The following CA5A variants were observed in gnomAD, a reference collection of about 807,000 sequenced individuals.
CA5A encodes carbonic anhydrase 5A, also known as carbonic anhydrase 5A, mitochondrial.
In CA5A, 28 loss-of-function variants were observed where a neutral mutation model predicts 37.1. That is an observed-to-expected ratio of 0.75 (90% CI 0.56 to 1.03). CA5A has a LOEUF of 1.03. CA5A is among the 50% of genes least tolerant of loss of function. CA5A has a pLI of 0.00. For missense variants in CA5A, 444 were observed against 399.9 expected, an observed-to-expected ratio of 1.11 and a Z score of -0.94; for synonymous variants, 171 against 158.4, an observed-to-expected ratio of 1.08 and a Z score of -0.60.
intron 2 of CA5A, among the ~76,000 whole-genome samples, chr16:87,909,478 GC>G (rs752422347): frequency 1.2e-4 from 19 of 152,344 alleles, no homozygotes; most frequent in South Asian, 4.1e-4. Flanking sequence ...CTGGGCCGCT[GC>G]GTTTTCGGGA....
Position 87,899,828 on chromosome 16 carries a change from G to A in CA5A, c.618+2084C>T, listed in dbSNP as rs540353578. Among the ~76,000 whole-genome samples, 7 of 143,506 alleles carry A rather than the reference G, an allele frequency of 4.9e-5. No individual in the cohort carries two copies. The East Asian group carries it at 1.5e-3, about 31-fold the overall frequency. The allele number at this position is 143,506 out of a possible 152,430, so 94.1% of individuals were successfully genotyped here. On this transcript the variant is annotated intron_variant, in intron 5 of 6. Coordinates refer to ENST00000649794, the MANE Select transcript of CA5A (RefSeq NM_001739.2). ...CCAGCTACTCATGAGGTTGAGGCAG[G>A]AGAATCACTTGAACCTGGAAGGCGG...
chr16:87,896,418 T>A (rs1483863764), intron 5 of CA5A, among the ~76,000 whole-genome samples: 4 of 152,228 alleles, frequency 2.6e-5, no homozygotes, highest in African/African-American at 9.6e-5. Flanking sequence ...GCCATGTGGT[T>A]ACAGAAAACT....
intron 2 of CA5A, among the ~76,000 whole-genome samples, chr16:87,909,117 C>T (rs1034996761): frequency 2.0e-5 from 3 of 152,108 alleles, no homozygotes; most frequent in Admixed American, 1.3e-4. Flanking sequence ...AGACGTGAGC[C>T]ACTGTGCCCA....
intron 2 of CA5A, among the ~76,000 whole-genome samples, chr16:87,907,734 G>A (rs1333231229): frequency 6.6e-6 from 1 of 152,168 alleles, no homozygotes; most frequent in African/African-American, 2.4e-5. Context: ...AGACCAGCCT[G>A]ACCAACATGG....
intron 2 of CA5A, among the ~76,000 whole-genome samples, chr16:87,915,259 C>A (rs552102918): frequency 6.6e-6 from 1 of 152,184 alleles, no homozygotes; most frequent in Non-Finnish European, 1.5e-5. Context: ...CTCAGAGTCA[C>A]GAAATTTCTA....
intron 1 of CA5A, among the ~76,000 whole-genome samples, chr16:87,935,621 A>G (rs1370130349): frequency 6.6e-6 from 1 of 152,206 alleles, no homozygotes; most frequent in African/African-American, 2.4e-5. Flanking sequence ...CACGCCTGTA[A>G]TCCTAGCACT....
chr16:87,883,804 T>G (rs1490337731), downstream of CA5A: 1 of 150,788 alleles, frequency 6.6e-6, no homozygotes, highest in East Asian at 2.0e-4. Context: ...GCCCAGCGAA[T>G]TTTTTGCATT....
intron 1 of CA5A, among the ~76,000 whole-genome samples, chr16:87,933,567 G>C (rs1473815742): frequency 1.3e-5 from 2 of 149,636 alleles, no homozygotes; most frequent in Non-Finnish European, 3.0e-5. Flanking sequence ...TTTTTTTTTA[G>C]AGATGGGTTC....
chr16:87,896,943 T>C (rs1175606015), intron 5 of CA5A, among the ~76,000 whole-genome samples: 1 of 152,232 alleles, frequency 6.6e-6, no homozygotes, highest in African/African-American at 2.4e-5. Context: ...TGTTCCTGGT[T>C]TTGTCTTCTT....
At chr16:87,901,066 CTAA>C (rs1387894501) in intron 5 of CA5A, among the ~76,000 whole-genome samples, 2 of 152,166 alleles carry the variant, frequency 1.3e-5, no homozygotes, top group African/African-American at 4.8e-5. Context: ...CCCGTCTCTA[CTAA>C]AAATACAAAA....
intron 2 of CA5A, among the ~76,000 whole-genome samples, chr16:87,913,642 T>C (rs2056084554): frequency 6.8e-6 from 1 of 148,106 alleles, no homozygotes; most frequent in Non-Finnish European, 1.5e-5. Flanking sequence ...CATCTGAGTG[T>C]CTGTGCCGTG....
intron 2 of CA5A, chr16:87,923,654 G>A (rs2056261002): frequency 5.1e-6 from 5 of 985,404 alleles, no homozygotes; most frequent in Non-Finnish European, 6.0e-6. Flanking sequence ...CTCAGGGTCA[G>A]CCACCAGACC....
chr16:87,932,700 G>A (rs1253207960), intron 1 of CA5A, among the ~76,000 whole-genome samples: 1 of 151,964 alleles, frequency 6.6e-6, no homozygotes, highest in Non-Finnish European at 1.5e-5. Context: ...AAGACGCCAA[G>A]TCCCCTGCCC....
chr16:87,926,832 A>G lies in CA5A; in HGVS notation c.256T>C (p.Ser86Pro), dbSNP rs745437622. ...YDPQLKPLRV[S>P]YEAASCLYIW... is the part of the protein sequence containing the mutation. ...TACAGGCAGGATGCCGCTTCATAGG[A>G]GACCCTGAGTGGCTTCAGCTGGGGG... The change falls in exon 2 of 7, where the codon TCC becomes CCC. Residue 86 changes from serine (S) to proline (P), a missense_variant. By Grantham distance (74) the Ser-to-Pro change is moderately conservative. Transcript: ENST00000649794. 1.2e-6 allele frequency: 2 copies of G among 1,614,116 alleles called. No homozygotes were observed. Among genetic ancestry groups the G allele is most frequent in the Non-Finnish European group, 1.7e-6 (2 of 1,179,962 alleles).
intron 5 of CA5A, among the ~76,000 whole-genome samples, chr16:87,898,272 G>A (rs932989587): frequency 6.6e-6 from 1 of 152,232 alleles, no homozygotes; most frequent in African/African-American, 2.4e-5. Context: ...CCCAGAAGCT[G>A]CAGGTGAGCC....
chr16:87,929,764 C>T (rs975377685), intron 1 of CA5A, among the ~76,000 whole-genome samples: 3 of 140,754 alleles, frequency 2.1e-5, no homozygotes, highest in East Asian at 2.3e-4. Flanking sequence ...CCCAGCTACT[C>T]GGGAGGCTGA....
intron 1 of CA5A, among the ~76,000 whole-genome samples, chr16:87,929,151 G>T (rs1197316511): frequency 6.7e-6 from 1 of 148,636 alleles, no homozygotes; most frequent in African/African-American, 2.5e-5. Context: ...AGAAAACAAG[G>T]ATAAAGATGT....
chr16:87,936,182 A>C, intron 1 of CA5A, 127 bp downstream of exon 1: 1 of 648,712 alleles, frequency 1.5e-6, no homozygotes, highest in Non-Finnish European at 2.7e-6. Flanking sequence ...AAAAAAAAAA[A>C]AAAAAAAACG....
At chr16:87,924,418 G>T in intron 2 of CA5A, 1 of 662,424 alleles carries the variant, frequency 1.5e-6, no homozygotes, top group Non-Finnish European at 1.9e-6. Flanking sequence ...CAGAGAAGAA[G>T]CTCTCACGCC....
Sources: gnomAD v4.1 joint callset for allele counts (sites outside exome capture counted in the v4.1 genomes callset) on GRCh38, gnomAD v4.1.1 for gene constraint, MANE v1.5 for transcripts, NCBI Gene and HGNC (gene_info 2026-07-23, HGNC 2026-07-21) for gene names.